The following SLC4A4 variants were observed in gnomAD, a reference collection of about 807,000 sequenced individuals.
SLC4A4 encodes the protein electrogenic sodium bicarbonate cotransporter 1.
A neutral mutation model predicts 111.5 loss-of-function variants in SLC4A4; 27 were observed. That is an observed-to-expected ratio of 0.24 (90% CI 0.18 to 0.33). The LOEUF (loss-of-function observed/expected upper bound fraction) is 0.33. Among genes scored for constraint, SLC4A4 ranks in the 10% least tolerant of loss-of-function variants. SLC4A4 has a pLI of 1.00. For missense variants in SLC4A4, 909 were observed against 1,315.5 expected, an observed-to-expected ratio of 0.69 and a Z score of 4.78; for synonymous variants, 443 against 463.4, an observed-to-expected ratio of 0.96 and a Z score of 0.57.
intron 1 of SLC4A4, among the ~76,000 whole-genome samples, chr4:71,064,504 A>T (rs1741464358): frequency 6.6e-6 from 1 of 152,222 alleles, no homozygotes; most frequent in Non-Finnish European, 1.5e-5. Flanking sequence ...TTTGTTGAAG[A>T]TGTTAAAAGT....
intron 7 of SLC4A4, among the ~76,000 whole-genome samples, chr4:71,440,357 T>G (rs13103451): frequency 0.14 from 21,795 of 152,220 alleles, 1,861 homozygotes; most frequent in South Asian, 0.29. Context: ...TATGATACAT[T>G]ATTGTTTTAT....
chr4:71,110,832 T>C (rs1054338895), intron 2 of SLC4A4, among the ~76,000 whole-genome samples: 3 of 152,308 alleles, frequency 2.0e-5, no homozygotes, highest in Middle Eastern at 3.4e-3. Flanking sequence ...TATAATTTAG[T>C]TCTGTGTACA....
intron 2 of SLC4A4, among the ~76,000 whole-genome samples, chr4:71,179,097 C>G (rs929016412): frequency 2.0e-5 from 3 of 152,144 alleles, no homozygotes; most frequent in African/African-American, 7.2e-5. Context: ...GAACCAATGA[C>G]AAAAACCATA....
chr4:71,380,316 C>T (rs968451617), intron 6 of SLC4A4, among the ~76,000 whole-genome samples: 2 of 152,184 alleles, frequency 1.3e-5, no homozygotes, highest in African/African-American at 4.8e-5. Flanking sequence ...CTGAAGTAAG[C>T]ATCACTCACT....
intron 2 of SLC4A4, among the ~76,000 whole-genome samples, chr4:71,118,003 A>C (rs1053880709): frequency 3.7e-4 from 56 of 151,588 alleles, no homozygotes; most frequent in African/African-American, 1.3e-3. Context: ...CAGCCTCCCA[A>C]GTAGCTGGGA....
At chr4:71,096,233 C>A (rs1278743010) in intron 2 of SLC4A4, among the ~76,000 whole-genome samples, 2 of 152,046 alleles carry the variant, frequency 1.3e-5, no homozygotes, top group Non-Finnish European at 2.9e-5. Flanking sequence ...GGGTTAAATT[C>A]TCTGCATAGG....
intron 7 of SLC4A4, among the ~76,000 whole-genome samples, chr4:71,420,888 A>G (rs1579062806): frequency 6.6e-6 from 1 of 150,398 alleles, no homozygotes; most frequent in East Asian, 1.9e-4. Context: ...ATCATGCCAA[A>G]ATGTAAAGAC....
chr4:71,335,900 T>C (rs967298377), intron 3 of SLC4A4, among the ~76,000 whole-genome samples: 23 of 152,338 alleles, frequency 1.5e-4, no homozygotes, highest in African/African-American at 5.5e-4. Context: ...TCAATTACCT[T>C]ATTTTAATGT....
chr4:71,320,765 A>G (rs1727058403), intron 3 of SLC4A4, among the ~76,000 whole-genome samples: 1 of 151,996 alleles, frequency 6.6e-6, no homozygotes, highest in African/African-American at 2.4e-5. Flanking sequence ...TCTAAGTTTT[A>G]TGATCGATAG....
At chr4:71,141,844 C>T (rs898059096) in intron 2 of SLC4A4, among the ~76,000 whole-genome samples, 6 of 152,192 alleles carry the variant, frequency 3.9e-5, no homozygotes, top group African/African-American at 1.4e-4. Flanking sequence ...ATCAGCAAAG[C>T]TCTCAAGCTT....
At chr4:71,472,666 A>G (rs1284098703) in intron 13 of SLC4A4, 33 bp from the exon 14 acceptor site, 2 of 1,604,118 alleles carry the variant, frequency 1.2e-6, no homozygotes, top group Non-Finnish European at 1.7e-6. Flanking sequence ...TCCAAGGAGG[A>G]GGAATCTAAA....
chr4:71,204,032 A>G (rs1420453457), intron 1 of SLC4A4, among the ~76,000 whole-genome samples: 1 of 152,216 alleles, frequency 6.6e-6, no homozygotes, highest in African/African-American at 2.4e-5. Flanking sequence ...TCTGAAAACC[A>G]AGTAGTTTTT....
At chr4:71,275,222 T>C (rs951929055) in intron 3 of SLC4A4, among the ~76,000 whole-genome samples, 16 of 152,196 alleles carry the variant, frequency 1.1e-4, no homozygotes, top group African/African-American at 3.9e-4. Context: ...CAAGTTGCCC[T>C]GAGCTGTCAG....
At chr4:71,277,431 C>T (rs922384262) in intron 3 of SLC4A4, among the ~76,000 whole-genome samples, 12 of 151,934 alleles carry the variant, frequency 7.9e-5, no homozygotes, top group Admixed American at 6.6e-4. Flanking sequence ...TCTGTGTATC[C>T]TCTTTGGTGA....
chr4:71,384,356 C>T (rs1014543758), intron 6 of SLC4A4, among the ~76,000 whole-genome samples: 16 of 152,118 alleles, frequency 1.1e-4, no homozygotes, highest in Non-Finnish European at 1.2e-4. Flanking sequence ...ATTATGGGTC[C>T]AGAGGTGTTT....
At chr4:71,398,515 C>G (rs1720049550) in intron 7 of SLC4A4, among the ~76,000 whole-genome samples, 1 of 151,974 alleles carries the variant, frequency 6.6e-6, no homozygotes, top group Non-Finnish European at 1.5e-5. Context: ...GTAAATATCT[C>G]TGCAAGAAAA....
intron 16 of SLC4A4, among the ~76,000 whole-genome samples, chr4:71,518,908 T>G (rs1732661564): frequency 6.6e-6 from 1 of 152,078 alleles, no homozygotes; most frequent in East Asian, 1.9e-4. Context: ...TACCCTTCAT[T>G]TGGGTTTTAC....
At chr4:71,225,425 A>G (rs1410418120) in intron 1 of SLC4A4, among the ~76,000 whole-genome samples, 3 of 152,196 alleles carry the variant, frequency 2.0e-5, no homozygotes, top group Non-Finnish European at 4.4e-5. Flanking sequence ...TCCTTTAGCT[A>G]GAACCTTCAG....
chr4:71,254,191 T>C (rs1721276564), intron 2 of SLC4A4, among the ~76,000 whole-genome samples: 1 of 152,174 alleles, frequency 6.6e-6, no homozygotes, highest in Non-Finnish European at 1.5e-5. Flanking sequence ...TAATTTGCAG[T>C]TCAGACAAAA....
Sources: allele counts gnomAD v4.1 joint callset (sites outside exome capture counted in the v4.1 genomes callset), GRCh38; gene constraint gnomAD v4.1.1; transcripts MANE v1.5; gene names NCBI Gene and HGNC (gene_info 2026-07-23, HGNC 2026-07-21).